Variants in ASCC3 observed in about 807,000 individuals in gnomAD.
The protein encoded by ASCC3 is activating signal cointegrator 1 complex subunit 3, also known as ASC-1 complex subunit P200.
ASCC3 carries 158 observed loss-of-function variants against 256.3 expected under a neutral mutation model. The observed-to-expected ratio is 0.62, with a 90% CI of 0.54 to 0.70. ASCC3 has a LOEUF of 0.70. Among genes scored for constraint, ASCC3 ranks in the 30% least tolerant of loss-of-function variants. ASCC3 has a pLI of 0.00. For missense variants in ASCC3, 2,259 were observed against 2,626.0 expected, an observed-to-expected ratio of 0.86 and a Z score of 3.05; for synonymous variants, 948 against 883.4, an observed-to-expected ratio of 1.07 and a Z score of -1.30.
At chr6:100,822,228 A>G (rs1771081560) in intron 4 of ASCC3, among the ~76,000 whole-genome samples, 1 of 152,196 alleles carries the variant, frequency 6.6e-6, no homozygotes, top group Non-Finnish European at 1.5e-5. Context: ...ATGACTTACA[A>G]TAGAAAATGT....
intron 36 of ASCC3, among the ~76,000 whole-genome samples, chr6:100,585,667 A>G (rs1478758740): frequency 2.2e-5 from 3 of 137,770 alleles, no homozygotes; most frequent in Non-Finnish European, 4.6e-5. Flanking sequence ...TGCTTTTTAG[A>G]GTTTCCAGAT....
Position 100,679,603 on chromosome 6 carries a change from C to T in ASCC3, c.2286+15G>A. On this transcript the variant is annotated intron_variant, in intron 14 of 41. Transcript: ENST00000369162. ...CATGTTACATGCTTTAGTTCTTGTC[C>T]TCTTTGTTTCTTACCTGTTTTTCTG... is the stretch of plus-strand genomic sequence containing the variant. 1 of 1,613,060 alleles carries T rather than the reference C, an allele frequency of 6.2e-7. No individual in the cohort carries two copies. The highest frequency in any genetic ancestry group is 8.5e-7 in the Non-Finnish European group (1 of 1,179,396).
At chr6:100,773,200 TAC>T (rs1339254400) in intron 8 of ASCC3, among the ~76,000 whole-genome samples, 3 of 152,170 alleles carry the variant, frequency 2.0e-5, no homozygotes, top group South Asian at 2.1e-4. Context: ...CTATAAACCA[TAC>T]ACAGAGATGG....
At chr6:100,681,747 A>C (rs894185630) in intron 13 of ASCC3, among the ~76,000 whole-genome samples, 1 of 148,940 alleles carries the variant, frequency 6.7e-6, no homozygotes, top group East Asian at 2.0e-4. Flanking sequence ...AAAAAAAAAA[A>C]GAAAAGAATA....
At chr6:100,847,627 AT>A (rs1338705571) in intron 4 of ASCC3, among the ~76,000 whole-genome samples, 1 of 152,136 alleles carries the variant, frequency 6.6e-6, no homozygotes, top group African/African-American at 2.4e-5. Context: ...GTTACTTACC[AT>A]TTTGCATATA....
intron 14 of ASCC3, among the ~76,000 whole-genome samples, chr6:100,666,449 C>T (rs528550307): frequency 1.3e-5 from 2 of 152,258 alleles, no homozygotes; most frequent in African/African-American, 4.8e-5. Context: ...CATTGTATAA[C>T]AGTTCCAGTT....
intron 2 of ASCC3, among the ~76,000 whole-genome samples, chr6:100,867,143 C>T (rs1454015647): frequency 4.6e-5 from 7 of 152,048 alleles, no homozygotes; most frequent in Non-Finnish European, 1.0e-4. Context: ...GAAGTTCCTT[C>T]GATAAAACAA....
intron 34 of ASCC3, among the ~76,000 whole-genome samples, chr6:100,593,159 G>A (rs1772093294): frequency 6.6e-6 from 1 of 152,064 alleles, no homozygotes; most frequent in Admixed American, 6.6e-5. Flanking sequence ...GATTCTAATA[G>A]CCAGAAGCGT....
intron 4 of ASCC3, among the ~76,000 whole-genome samples, chr6:100,818,748 C>CAAAAAAAAAAAAAAAAAAAAAAAAAAAA (rs56668191): frequency 3.4e-5 from 2 of 58,108 alleles, no homozygotes; most frequent in African/African-American, 1.6e-4. Context: ...AGGCAAAAGC[C>CAAAAAAAAAAAAAAAAAAAAAAAAAAAA]AAAAAAAAAA....
chr6:100,775,387 A>G (rs1017796140), intron 8 of ASCC3, among the ~76,000 whole-genome samples: 2 of 152,142 alleles, frequency 1.3e-5, no homozygotes, highest in African/African-American at 4.8e-5. Flanking sequence ...GACTATATGA[A>G]GAAATTATCA....
At chr6:100,724,316 C>T (rs1455220752) in intron 11 of ASCC3, among the ~76,000 whole-genome samples, 1 of 151,228 alleles carries the variant, frequency 6.6e-6, no homozygotes, top group Non-Finnish European at 1.5e-5. Flanking sequence ...GAACTGGTAA[C>T]TGGTGATCTT....
At chr6:100,699,535 G>C (rs1778251247) in intron 13 of ASCC3, among the ~76,000 whole-genome samples, 1 of 152,146 alleles carries the variant, frequency 6.6e-6, no homozygotes, top group Admixed American at 6.6e-5. Context: ...ATTTGTACCA[G>C]TAGAGTGAGG....
intron 17 of ASCC3, 88 bp from the exon 18 acceptor site, chr6:100,652,977 T>G (rs577360600): frequency 7.7e-7 from 1 of 1,300,992 alleles, no homozygotes; most frequent in Non-Finnish European, 1.1e-6. Context: ...ATTAAAACTT[T>G]TCTTAATGTT....
intron 39 of ASCC3, among the ~76,000 whole-genome samples, chr6:100,514,191 A>G (rs1244662297): frequency 6.6e-6 from 1 of 152,128 alleles, no homozygotes; most frequent in Non-Finnish European, 1.5e-5. Context: ...CTTGAACTGG[A>G]TTTTGAAGTA....
In ASCC3 at chr6:100,775,999, G is replaced by A. The variant is rs371925213; in HGVS notation, c.1396-8654C>T. ...TATATTAACAAATGCTTTAAGTTAAGAAAACAAATGATTAAAGAAGAAGAA... is the reference window on the plus strand; with the variant it reads ...TATATTAACAAATGCTTTAAGTTAAAAAAACAAATGATTAAAGAAGAAGAA... On this transcript the variant is annotated intron_variant, in intron 8 of 41. Coordinates refer to ENST00000369162, the MANE Select transcript of ASCC3 (RefSeq NM_006828.4). Among the ~76,000 whole-genome samples the A allele has an allele frequency of 7.7e-4, 117 of 151,968 alleles. No homozygotes were observed. The East Asian group carries it at 0.017, about 22-fold the overall frequency.
At chr6:100,785,689 G>C (rs1769036395) in intron 8 of ASCC3, among the ~76,000 whole-genome samples, 1 of 152,174 alleles carries the variant, frequency 6.6e-6, no homozygotes, top group African/African-American at 2.4e-5. Context: ...TAGGATTACA[G>C]GTGTGAGCCA....
chr6:100,623,693 G>C (rs1443305302), intron 30 of ASCC3, among the ~76,000 whole-genome samples: 1 of 152,102 alleles, frequency 6.6e-6, no homozygotes, highest in Admixed American at 6.6e-5. Context: ...TGTTTTCATT[G>C]TAACTCAATT....
chr6:100,774,582 G>T lies in ASCC3; in HGVS notation c.1396-7237C>A, dbSNP rs184331091. ...GGGTTTCAGCATGTTAGCCAGGATG[G>T]TCTCGATTTTCTGACCTCGTGATCC... On this transcript the variant is annotated intron_variant, in intron 8 of 41. Coordinates refer to ENST00000369162, the MANE Select transcript of ASCC3 (RefSeq NM_006828.4). Among the ~76,000 whole-genome samples, 125 of 152,172 alleles carry T rather than the reference G, an allele frequency of 8.2e-4. 2 individuals carry two copies. Among genetic ancestry groups the T allele is most frequent in the Middle Eastern group, 3.4e-3 (1 of 294 alleles).
intron 13 of ASCC3, among the ~76,000 whole-genome samples, chr6:100,692,678 T>C (rs547412148): frequency 1.3e-5 from 2 of 152,190 alleles, no homozygotes; most frequent in African/African-American, 4.8e-5. Context: ...AGTGGTTAAA[T>C]GAAGATGTCA....
Sources: gnomAD v4.1 joint callset for allele counts (sites outside exome capture counted in the v4.1 genomes callset) on GRCh38, gnomAD v4.1.1 for gene constraint, MANE v1.5 for transcripts, NCBI Gene and HGNC (gene_info 2026-07-23, HGNC 2026-07-21) for gene names.